The following ATG4C variants were observed in gnomAD, a reference collection of about 807,000 sequenced individuals.
ATG4C encodes autophagy related 4C cysteine peptidase.
A neutral mutation model predicts 57.6 loss-of-function variants in ATG4C; 56 were observed. The ratio of observed to expected loss-of-function variants is 0.97; its 90% confidence interval spans 0.78 to 1.21. The LOEUF is 1.21. Ranked by LOEUF, ATG4C falls within the 50% of genes most tolerant of loss-of-function variation. The pLI is 0.00. For synonymous variants in ATG4C, 157 were observed against 174.1 expected (o/e 0.90, Z 0.78); for missense variants, 595 against 529.8 (o/e 1.12, Z -1.21).
chr1:62,817,496 C>T (rs1665318517), intron 4 of ATG4C, among the ~76,000 whole-genome samples: 1 of 152,094 alleles, frequency 6.6e-6, no homozygotes, highest in Admixed American at 6.6e-5. Context: ...CAGGTGCGTG[C>T]CACCATGGTT....
At chr1:62,835,302 A>G in intron 9 of ATG4C, 1 of 262,088 alleles carries the variant, frequency 3.8e-6, no homozygotes, top group South Asian at 4.2e-5. Context: ...CTTAGCCTTT[A>G]GTTAGGAAGT....
At chr1:62,788,867 T>TTTTTTTC (rs995547312) in intron 1 of ATG4C, among the ~76,000 whole-genome samples, 136 of 152,202 alleles carry the variant, frequency 8.9e-4, no homozygotes, top group African/African-American at 2.7e-3. Context: ...GGTTTTTCTT[T>TTTTTTTC]TTTTTTCTTT....
At chr1:62,785,751 AAATATT>A (rs1553220151) in intron 1 of ATG4C, among the ~76,000 whole-genome samples, 1 of 152,194 alleles carries the variant, frequency 6.6e-6, no homozygotes, top group Non-Finnish European at 1.5e-5. Flanking sequence ...AGTAAAATAT[AAATATT>A]AATACTGGTA....
intron 10 of ATG4C, among the ~76,000 whole-genome samples, chr1:62,858,369 G>C (rs1279333207): frequency 6.6e-6 from 1 of 152,182 alleles, no homozygotes; most frequent in African/African-American, 2.4e-5. Flanking sequence ...GATCCTGACT[G>C]TGTCAGTTAC....
chr1:62,811,659 T>A (rs1557968124), intron 3 of ATG4C, among the ~76,000 whole-genome samples: 1 of 152,234 alleles, frequency 6.6e-6, no homozygotes, highest in Non-Finnish European at 1.5e-5. Context: ...TAAGAGCCAT[T>A]AATTAAAAAT....
At chr1:62,844,705 CCTTTT>C (rs1471222284) in intron 10 of ATG4C, among the ~76,000 whole-genome samples, 1 of 151,778 alleles carries the variant, frequency 6.6e-6, no homozygotes, top group African/African-American at 2.4e-5. Context: ...CAATCTTATT[CCTTTT>C]CTTCCTTCTC....
At chr1:62,855,185 G>A (rs770044083) in intron 10 of ATG4C, among the ~76,000 whole-genome samples, 2 of 151,996 alleles carry the variant, frequency 1.3e-5, no homozygotes, top group Non-Finnish European at 1.5e-5. Flanking sequence ...GTCTTTGGCC[G>A]TTCTGTACTG....
chr1:62,806,141 C>T (rs772800592), intron 3 of ATG4C, among the ~76,000 whole-genome samples: 1 of 152,086 alleles, frequency 6.6e-6, no homozygotes, highest in Non-Finnish European at 1.5e-5. Context: ...CATGTATTAA[C>T]TGTTGAGTCC....
intron 6 of ATG4C, among the ~76,000 whole-genome samples, chr1:62,825,441 C>A (rs1489991562): frequency 6.6e-6 from 1 of 152,028 alleles, no homozygotes; most frequent in Non-Finnish European, 1.5e-5. Flanking sequence ...GTAGATTTTC[C>A]CTCTGCCTCC....
chr1:62,840,122 A>C (rs1007069694), intron 9 of ATG4C, among the ~76,000 whole-genome samples: 2 of 152,142 alleles, frequency 1.3e-5, no homozygotes, highest in African/African-American at 4.8e-5. Context: ...TAGGGAAACT[A>C]TAATTTTATG....
At chr1:62,861,275 G>A (rs948832495) in intron 10 of ATG4C, among the ~76,000 whole-genome samples, 1 of 152,114 alleles carries the variant, frequency 6.6e-6, no homozygotes, top group African/African-American at 2.4e-5. Flanking sequence ...GCTGGCCGTG[G>A]TGACTCATGC....
intron 10 of ATG4C, among the ~76,000 whole-genome samples, chr1:62,850,877 T>C (rs1226318961): frequency 7.9e-5 from 6 of 75,524 alleles, no homozygotes; most frequent in South Asian, 3.7e-4. Flanking sequence ...TATATATATA[T>C]ATATATATAT....
At chr1:62,853,208 A>C (rs1238704402) in intron 10 of ATG4C, among the ~76,000 whole-genome samples, 1 of 152,164 alleles carries the variant, frequency 6.6e-6, no homozygotes, top group Non-Finnish European at 1.5e-5. Flanking sequence ...GTCATTCTGC[A>C]TTATTTTACG....
At chr1:62,790,585 G>T (rs1664243319) in intron 1 of ATG4C, among the ~76,000 whole-genome samples, 1 of 152,108 alleles carries the variant, frequency 6.6e-6, no homozygotes, top group African/African-American at 2.4e-5. Flanking sequence ...ATATAGTTAG[G>T]TTCCTACTAA....
At chr1:62,805,544 A>C (rs1255088149) in intron 3 of ATG4C, among the ~76,000 whole-genome samples, 2 of 152,130 alleles carry the variant, frequency 1.3e-5, no homozygotes, top group African/African-American at 4.8e-5. Context: ...TTCTCTGATA[A>C]TTAAAAGTAT....
rs193138176 is a variant in ATG4C at position 62,802,527 on chromosome 1, C to T, written c.-68-1192C>T. On this transcript the variant is annotated intron_variant, in intron 1 of 10. Transcript: ENST00000317868. Reference sequence around the variant, plus strand: ...CCAAGCATTTTGGATAAGGGATACTCAACCTGTAGTGGTAAACTCATTATC... The same window carrying T: ...CCAAGCATTTTGGATAAGGGATACTTAACCTGTAGTGGTAAACTCATTATC... 8.4e-3 allele frequency among the ~76,000 whole-genome samples: 1,271 copies of T among 151,686 alleles called. 37 individuals carry two copies. Among genetic ancestry groups the T allele is most frequent in the African/African-American group, 0.029 (1,188 of 41,356 alleles).
intron 6 of ATG4C, among the ~76,000 whole-genome samples, chr1:62,825,939 G>A (rs1266185004): frequency 6.0e-5 from 9 of 151,216 alleles, no homozygotes; most frequent in Non-Finnish European, 1.2e-4. Context: ...ATGGAATCTC[G>A]CTCTGTTGTC....
intron 3 of ATG4C, among the ~76,000 whole-genome samples, chr1:62,812,375 T>A (rs1025242601): frequency 2.0e-5 from 3 of 152,164 alleles, no homozygotes; most frequent in African/African-American, 7.2e-5. Context: ...AAAAACCACA[T>A]GATTATCTCA....
chr1:62,861,286 C>T (rs1264503994), intron 10 of ATG4C, among the ~76,000 whole-genome samples: 1 of 152,004 alleles, frequency 6.6e-6, no homozygotes, highest in Non-Finnish European at 1.5e-5. Flanking sequence ...TGACTCATGC[C>T]TGTAATCCCA....
Sources: allele counts gnomAD v4.1 joint callset (sites outside exome capture counted in the v4.1 genomes callset), GRCh38; gene constraint gnomAD v4.1.1; transcripts MANE v1.5; gene names NCBI Gene and HGNC (gene_info 2026-07-23, HGNC 2026-07-21).